The following CCDC170 variants were observed in gnomAD, a reference collection of about 807,000 sequenced individuals.
CCDC170 encodes the protein coiled-coil domain containing 170.
CCDC170 carries 69 observed loss-of-function variants against 72.6 expected under a neutral mutation model. The ratio of observed to expected loss-of-function variants is 0.95; its 90% CI spans 0.78 to 1.16. The LOEUF (loss-of-function observed/expected upper bound fraction) is 1.16. Ranked by LOEUF, CCDC170 falls within the 50% of genes most tolerant of loss-of-function variation. CCDC170 has a pLI of 0.00. For synonymous variants in CCDC170, 300 were observed against 303.9 expected (o/e 0.99, Z 0.13); for missense variants, 852 against 832.5 (o/e 1.02, Z -0.29).
At chr6:151,561,142 GCA>G (rs1243535457) in intron 5 of CCDC170, among the ~76,000 whole-genome samples, 1 of 151,976 alleles carries the variant, frequency 6.6e-6, no homozygotes, top group African/African-American at 2.4e-5. Flanking sequence ...ATACAGCCAT[GCA>G]ATGTGTAATA....
intron 5 of CCDC170, among the ~76,000 whole-genome samples, chr6:151,562,477 G>A (rs750308340): frequency 6.6e-6 from 1 of 152,178 alleles, no homozygotes; most frequent in African/African-American, 2.4e-5. Context: ...GAGGGCCAAA[G>A]TGCTGTATAT....
At chr6:151,563,404 T>C (rs1442754475) in intron 5 of CCDC170, among the ~76,000 whole-genome samples, 1 of 152,310 alleles carries the variant, frequency 6.6e-6, no homozygotes, top group Non-Finnish European at 1.5e-5. Flanking sequence ...CAACAGGGAC[T>C]TGGTGGGCTG....
In CCDC170 at chr6:151,536,303, G is replaced by A. The variant is rs200485421; in HGVS notation, c.58-15G>A. The A allele has an allele frequency of 1.7e-4, 280 of 1,612,440 alleles. No individual in the cohort carries two copies. The highest frequency in any genetic ancestry group is 2.0e-4 in the Non-Finnish European group (240 of 1,178,532). ...ACTCTTCTTTATATTTTGTATTTTG[G>A]GGGAATTCTACCAGGAAACTTACGA... On this transcript the variant is annotated splice_polypyrimidine_tract_variant and intron_variant, in intron 1 of 10. Transcript: ENST00000239374.
At position 151,503,108 on chromosome 6, in the gene CCDC170, C is replaced by G. The variant is rs536027894; in HGVS notation, c.57+8923C>G. ...AGGAGAATTGCTTGAAACCGGGAGG[C>G]AGAGGTTGCAGTGAGCCGAGATCAC... On this transcript the variant is annotated intron_variant, in intron 1 of 10. Coordinates refer to ENST00000239374, the MANE Select transcript of CCDC170 (RefSeq NM_025059.4). Among the ~76,000 whole-genome samples the G allele has an allele frequency of 1.3e-3, 196 of 152,038 alleles. 1 individual carries two copies. Among genetic ancestry groups the G allele is most frequent in the African/African-American group, 4.2e-3 (175 of 41,460 alleles).
chr6:151,595,123 A>C (rs893472467), intron 8 of CCDC170, among the ~76,000 whole-genome samples: 8 of 152,200 alleles, frequency 5.3e-5, no homozygotes, highest in African/African-American at 1.9e-4. Flanking sequence ...ACAAGTGCAG[A>C]GTAGATAATT....
intron 5 of CCDC170, among the ~76,000 whole-genome samples, chr6:151,561,709 A>G (rs1776035550): frequency 6.6e-6 from 1 of 151,972 alleles, no homozygotes; most frequent in Non-Finnish European, 1.5e-5. Flanking sequence ...CTTCTTGTAT[A>G]CTATCTCATA....
chr6:151,597,123 G>A (rs1776638669), intron 9 of CCDC170, among the ~76,000 whole-genome samples: 1 of 151,768 alleles, frequency 6.6e-6, no homozygotes, highest in South Asian at 2.1e-4. Flanking sequence ...ACTGCGCCTG[G>A]CCTTATAAAA....
At chr6:151,538,555 A>G (rs891458893) in intron 3 of CCDC170, among the ~76,000 whole-genome samples, 1 of 152,228 alleles carries the variant, frequency 6.6e-6, no homozygotes, top group African/African-American at 2.4e-5. Flanking sequence ...TTAGGGCTGC[A>G]AATGCTTATT....
At chr6:151,518,847 G>T (rs1010987487) in intron 1 of CCDC170, among the ~76,000 whole-genome samples, 1 of 152,160 alleles carries the variant, frequency 6.6e-6, no homozygotes, top group African/African-American at 2.4e-5. Context: ...AGGGGAAGGG[G>T]TGTACAAACA....
intron 1 of CCDC170, among the ~76,000 whole-genome samples, chr6:151,531,837 G>A (rs1782494763): frequency 6.6e-6 from 1 of 152,120 alleles, no homozygotes; most frequent in Admixed American, 6.5e-5. Context: ...AGGATGAAAA[G>A]TTCCTTATAA....
At chr6:151,568,990 T>C (rs1213810592) in intron 5 of CCDC170, among the ~76,000 whole-genome samples, 1 of 152,354 alleles carries the variant, frequency 6.6e-6, no homozygotes, top group South Asian at 2.1e-4. Flanking sequence ...AGTTTTGTTA[T>C]GTATTTATGC....
At chr6:151,552,314 AT>A (rs34554055) in intron 5 of CCDC170, among the ~76,000 whole-genome samples, 115,541 of 151,918 alleles carry the variant, frequency 0.76, 44,303 homozygotes, top group African/African-American at 0.85. Flanking sequence ...GTAAGGGTAC[AT>A]TTTTTTCTCT....
At chr6:151,599,821 G>A (rs9383933) in intron 9 of CCDC170, among the ~76,000 whole-genome samples, 60,893 of 152,036 alleles carry the variant, frequency 0.4, 17,332 homozygotes, top group African/African-American at 0.78. Flanking sequence ...GAATAAGTCA[G>A]ATTTCAGGGA....
chr6:151,584,602 T>C (rs1776426298), intron 6 of CCDC170, among the ~76,000 whole-genome samples: 1 of 152,202 alleles, frequency 6.6e-6, no homozygotes, highest in South Asian at 2.1e-4. Context: ...CAGGGGATTG[T>C]TTTTTGCCTG....
chr6:151,597,474 A>G (rs1776643761), intron 9 of CCDC170, among the ~76,000 whole-genome samples: 1 of 152,192 alleles, frequency 6.6e-6, no homozygotes, highest in South Asian at 2.1e-4. Flanking sequence ...CATTTCTCCA[A>G]AGTGTTGGTG....
chr6:151,501,219 A>ATGT (rs1781990305), intron 1 of CCDC170, among the ~76,000 whole-genome samples: 1 of 152,164 alleles, frequency 6.6e-6, no homozygotes, highest in Non-Finnish European at 1.5e-5. Context: ...ATTCTACAAT[A>ATGT]TGTTGACCAG....
chr6:151,541,879 T>A, intron 3 of CCDC170, among the ~76,000 whole-genome samples: 1 of 62,614 alleles, frequency 1.6e-5, no homozygotes, highest in Non-Finnish European at 3.7e-5. Context: ...TATATATATA[T>A]ATATATATTT....
intron 3 of CCDC170, among the ~76,000 whole-genome samples, chr6:151,542,212 T>C (rs1050101400): frequency 6.6e-6 from 1 of 151,598 alleles, no homozygotes; most frequent in African/African-American, 2.4e-5. Context: ...ACTCATTTAG[T>C]ATATAATTTT....
At chr6:151,519,626 T>G (rs1030056981) in intron 1 of CCDC170, among the ~76,000 whole-genome samples, 2 of 152,196 alleles carry the variant, frequency 1.3e-5, no homozygotes, top group Non-Finnish European at 2.9e-5. Flanking sequence ...CATATTAAAA[T>G]GAAATCTTCA....
Sources: gnomAD v4.1 joint callset for allele counts (sites outside exome capture counted in the v4.1 genomes callset) on GRCh38, gnomAD v4.1.1 for gene constraint, MANE v1.5 for transcripts, NCBI Gene and HGNC (gene_info 2026-07-23, HGNC 2026-07-21) for gene names.